The following KHDRBS2 variants were observed in gnomAD, a reference collection of about 807,000 sequenced individuals.
KHDRBS2 encodes KH domain-containing, RNA-binding, signal transduction-associated protein 2.
A neutral mutation model predicts 44.3 loss-of-function variants in KHDRBS2; 26 were observed. That is an observed-to-expected ratio of 0.59 (90% CI 0.43 to 0.81). KHDRBS2 has a LOEUF of 0.81. Among genes scored for constraint, KHDRBS2 ranks in the 40% least tolerant of loss-of-function variants. The pLI is 0.00. For synonymous variants in KHDRBS2, 194 were observed against 151.1 expected (o/e 1.28, Z -2.08); for missense variants, 476 against 433.1 (o/e 1.10, Z -0.88).
At chr6:62,074,067 C>A (rs1795851597) in intron 2 of KHDRBS2, among the ~76,000 whole-genome samples, 1 of 151,730 alleles carries the variant, frequency 6.6e-6, no homozygotes, top group Non-Finnish European at 1.5e-5. Context: ...AAGCTGCACC[C>A]ATTTAGGAGC....
chr6:62,002,297 T>A (rs1387901153), intron 3 of KHDRBS2, among the ~76,000 whole-genome samples: 1 of 149,722 alleles, frequency 6.7e-6, no homozygotes, highest in Non-Finnish European at 1.5e-5. Flanking sequence ...GATAAGTGCT[T>A]TTCTCAGTAC....
intron 6 of KHDRBS2, among the ~76,000 whole-genome samples, chr6:61,799,780 A>C (rs766779193): frequency 1.3e-5 from 2 of 152,074 alleles, no homozygotes. Context: ...ATAATCCTTA[A>C]TTTATTCATC....
chr6:61,857,804 T>C (rs1796356185), intron 6 of KHDRBS2, among the ~76,000 whole-genome samples: 1 of 152,012 alleles, frequency 6.6e-6, no homozygotes, highest in Admixed American at 6.6e-5. Flanking sequence ...TTGAAATTAC[T>C]GGTATCCAAT....
At chr6:61,594,351 T>C in the KHDRBS2 span, among the ~76,000 whole-genome samples, 8 of 152,156 alleles carry the variant, frequency 5.3e-5, no homozygotes, top group African/African-American at 1.7e-4. Context: ...TCCTGTTTTC[T>C]AATTGGAGTT....
At chr6:61,662,540 A>G in the KHDRBS2 span, among the ~76,000 whole-genome samples, 91 of 152,296 alleles carry the variant, frequency 6.0e-4, no homozygotes, top group African/African-American at 2.1e-3. Context: ...ATGAACTCAA[A>G]CAAATTTACA....
intron 2 of KHDRBS2, among the ~76,000 whole-genome samples, chr6:62,096,507 G>T (rs1398234334): frequency 6.6e-6 from 1 of 151,752 alleles, no homozygotes; most frequent in Non-Finnish European, 1.5e-5. Context: ...ATATGTGGGG[G>T]TATAATTGTT....
At chr6:62,046,427 G>A (rs2134475) in intron 3 of KHDRBS2, among the ~76,000 whole-genome samples, 11,961 of 151,982 alleles carry the variant, frequency 0.079, 511 homozygotes, top group African/African-American at 0.097. Flanking sequence ...AATATGTTAA[G>A]TGATAAAAGA....
At chr6:61,559,427 C>T in the KHDRBS2 span, among the ~76,000 whole-genome samples, 31,981 of 151,242 alleles carry the variant, frequency 0.21, 3,609 homozygotes, top group East Asian at 0.29. Context: ...AATGTTATTA[C>T]TAATAAGGTA....
In KHDRBS2 at chr6:62,116,630, T is replaced by C. The variant is rs372473651; in HGVS notation, c.219+60555A>G. Among the ~76,000 whole-genome samples, 10 of 152,314 alleles carry C rather than the reference T, an allele frequency of 6.6e-5. No individual in the cohort carries two copies. The East Asian group carries it at 1.9e-3, about 29-fold the overall frequency. On this transcript the variant is annotated intron_variant, in intron 2 of 8. Transcript: ENST00000281156. ...TGGGAACATTCTAAAGCTTATGTTT[T>C]AGTTATTTTGAAGTATACAATAAAT...
At chr6:61,969,958 A>C (rs1770975785) in intron 4 of KHDRBS2, among the ~76,000 whole-genome samples, 1 of 152,036 alleles carries the variant, frequency 6.6e-6, no homozygotes, top group African/African-American at 2.4e-5. Flanking sequence ...TAAAGTTTCC[A>C]TATTATAGAA....
the KHDRBS2 span, among the ~76,000 whole-genome samples, chr6:61,603,571 T>G: frequency 6.6e-6 from 1 of 152,158 alleles, no homozygotes; most frequent in Non-Finnish European, 1.5e-5. Context: ...ACCTTAATGT[T>G]TTAGCCTAGC....
At chr6:62,034,298 G>A (rs1027339349) in intron 3 of KHDRBS2, among the ~76,000 whole-genome samples, 4 of 151,884 alleles carry the variant, frequency 2.6e-5, no homozygotes, top group Middle Eastern at 3.4e-3. Context: ...ACAAACAGAG[G>A]AGAAACGAAT....
At chr6:61,939,369 C>T (rs564807916) in intron 4 of KHDRBS2, among the ~76,000 whole-genome samples, 230 of 152,180 alleles carry the variant, frequency 1.5e-3, no homozygotes, top group African/African-American at 5.1e-3. Context: ...ATTTCAAATT[C>T]GAAATTAATT....
the KHDRBS2 span, among the ~76,000 whole-genome samples, chr6:61,560,906 A>C: frequency 6.6e-6 from 1 of 152,118 alleles, no homozygotes; most frequent in Non-Finnish European, 1.5e-5. Context: ...TTGAAGAGTT[A>C]GGTACCTATT....
At position 61,838,490 on chromosome 6, in the gene KHDRBS2, T is replaced by G. The variant is rs577887660; in HGVS notation, c.810+56145A>C. 2.6e-5 allele frequency among the ~76,000 whole-genome samples: 4 copies of G among 152,138 alleles called. No individual in the cohort carries two copies. The East Asian group carries it at 7.7e-4, about 29-fold the overall frequency. On this transcript the variant is annotated intron_variant, in intron 6 of 8. Coordinates refer to ENST00000281156, the MANE Select transcript of KHDRBS2 (RefSeq NM_152688.4). Reference sequence around the variant, plus strand: ...TATCTCAAAATATTAATATATACTATTGTAATAATACAATAATAAAAACAT... The same window carrying G: ...TATCTCAAAATATTAATATATACTAGTGTAATAATACAATAATAAAAACAT...
At chr6:61,621,251 C>A in the KHDRBS2 span, among the ~76,000 whole-genome samples, 1 of 152,100 alleles carries the variant, frequency 6.6e-6, no homozygotes, top group African/African-American at 2.4e-5. Flanking sequence ...ATCCCCTTGC[C>A]AGTACAATAA....
At chr6:62,044,174 C>G (rs181732331) in intron 3 of KHDRBS2, among the ~76,000 whole-genome samples, 1 of 151,900 alleles carries the variant, frequency 6.6e-6, no homozygotes, top group South Asian at 2.1e-4. Context: ...AGCCTCCAGT[C>G]TCCCGCTTAA....
intron 2 of KHDRBS2, among the ~76,000 whole-genome samples, chr6:62,155,267 T>C (rs1476761971): frequency 2.6e-5 from 4 of 152,168 alleles, no homozygotes; most frequent in South Asian, 2.1e-4. Context: ...AATAAATTGA[T>C]TGGAATAGGG....
At chr6:62,082,310 GGTGTGTGT>G (rs142069290) in intron 2 of KHDRBS2, among the ~76,000 whole-genome samples, 1 of 149,036 alleles carries the variant, frequency 6.7e-6, no homozygotes, top group South Asian at 2.1e-4. Flanking sequence ...AATACACACT[GGTGTGTGT>G]GTGTGTGTGT....
Sources: gnomAD v4.1 joint callset for allele counts (sites outside exome capture counted in the v4.1 genomes callset) on GRCh38, gnomAD v4.1.1 for gene constraint, MANE v1.5 for transcripts, NCBI Gene and HGNC (gene_info 2026-07-23, HGNC 2026-07-21) for gene names.